The following ARHGAP10 variants were observed in gnomAD, a reference collection of about 807,000 sequenced individuals.
ARHGAP10 encodes Rho GTPase activating protein 10.
Under a neutral mutation model 108.6 loss-of-function variants are expected in ARHGAP10, and 87 were observed. That is an observed-to-expected ratio of 0.80 (90% CI 0.67 to 0.96). The LOEUF (loss-of-function observed/expected upper bound fraction) is 0.96. Among genes scored for constraint, ARHGAP10 ranks in the 40% least tolerant of loss-of-function variants. ARHGAP10 has a pLI of 0.00. For synonymous variants in ARHGAP10, 347 were observed against 341.1 expected (o/e 1.02, Z -0.19); for missense variants, 939 against 954.5 (o/e 0.98, Z 0.21).
At chr4:147,829,345 G>A (rs565229106) in intron 3 of ARHGAP10, among the ~76,000 whole-genome samples, 1 of 152,056 alleles carries the variant, frequency 6.6e-6, no homozygotes, top group Non-Finnish European at 1.5e-5. Flanking sequence ...GAGCCACCGC[G>A]CCCAGCCAAT....
intron 18 of ARHGAP10, among the ~76,000 whole-genome samples, chr4:148,009,088 GA>G (rs538524923): frequency 3.0e-4 from 45 of 149,646 alleles, no homozygotes; most frequent in African/African-American, 9.3e-4. Context: ...TTCTTTGGGG[GA>G]AAAAAACAAA....
chr4:147,829,488 C>T (rs1560779434), intron 3 of ARHGAP10, among the ~76,000 whole-genome samples: 1 of 152,160 alleles, frequency 6.6e-6, no homozygotes, highest in Non-Finnish European at 1.5e-5. Context: ...CGCGCCCGGC[C>T]AGGACAGTGT....
rs146349439 is a variant in ARHGAP10 at position 147,821,422 on chromosome 4, A to G, written c.155-1305A>G. On this transcript the variant is annotated intron_variant, in intron 1 of 22. Coordinates refer to ENST00000336498, the MANE Select transcript of ARHGAP10 (RefSeq NM_024605.4). ...CTTATGCTTGGTGCTTTTCTTCTAT[A>G]CTTTAGGTGTAAGAAATTAAAATCC... Among the ~76,000 whole-genome samples the G allele has an allele frequency of 4.1e-3, 623 of 152,234 alleles. 3 individuals are homozygous for G. The highest frequency in any genetic ancestry group is 0.014 in the African/African-American group (591 of 41,508).
chr4:148,014,528 G>A (rs1741280417), intron 18 of ARHGAP10, among the ~76,000 whole-genome samples: 11 of 152,210 alleles, frequency 7.2e-5, no homozygotes, highest in Admixed American at 7.2e-4. Flanking sequence ...TTTACATAGT[G>A]AAAATTTCTT....
intron 3 of ARHGAP10, among the ~76,000 whole-genome samples, chr4:147,825,659 G>C (rs1241410572): frequency 6.6e-6 from 1 of 152,066 alleles, no homozygotes; most frequent in Non-Finnish European, 1.5e-5. Flanking sequence ...CAGCTATTTA[G>C]GAAAGACTAA....
chr4:147,755,562 A>G (rs963076722), intron 1 of ARHGAP10, among the ~76,000 whole-genome samples: 2 of 152,182 alleles, frequency 1.3e-5, no homozygotes, highest in Non-Finnish European at 1.5e-5. Context: ...GTTCCATGTT[A>G]TCAAGAAGAA....
chr4:148,047,486 T>A (rs1728941421), intron 20 of ARHGAP10, among the ~76,000 whole-genome samples: 1 of 152,258 alleles, frequency 6.6e-6, no homozygotes, highest in South Asian at 2.1e-4. Context: ...TCTGTTTTGC[T>A]CCATAGCATC....
intron 18 of ARHGAP10, among the ~76,000 whole-genome samples, chr4:147,991,113 A>G (rs974255324): frequency 8.6e-5 from 13 of 151,664 alleles, no homozygotes; most frequent in Middle Eastern, 3.2e-3. Flanking sequence ...CAATTTGTCT[A>G]TATAACAAAC....
intron 10 of ARHGAP10, among the ~76,000 whole-genome samples, chr4:147,895,809 G>A (rs1735973814): frequency 6.6e-6 from 1 of 152,120 alleles, no homozygotes; most frequent in African/African-American, 2.4e-5. Context: ...GGTGTTATTG[G>A]CCATCTTGCC....
Position 147,764,076 on chromosome 4 carries a change from A to G in ARHGAP10, c.154+31621A>G, listed in dbSNP as rs759858711. On this transcript the variant is annotated intron_variant, in intron 1 of 22. Coordinates refer to ENST00000336498, the MANE Select transcript of ARHGAP10 (RefSeq NM_024605.4). ...TGCCTGGCCCAGACAGTGATTCTTG[A>G]TCTTTAGTGGGAATCAAAATCAGCT... Among the ~76,000 whole-genome samples, 58 of 152,116 alleles carry G rather than the reference A, an allele frequency of 3.8e-4. No individual in the cohort carries two copies. The Middle Eastern group carries it at 0.01, about 27-fold the overall frequency.
intron 13 of ARHGAP10, among the ~76,000 whole-genome samples, chr4:147,938,327 C>T (rs1215265377): frequency 6.6e-6 from 1 of 151,826 alleles, no homozygotes; most frequent in African/African-American, 2.4e-5. Context: ...GGTTTATTAT[C>T]TATGTAACAA....
At chr4:147,820,116 A>G (rs1732421690) in intron 1 of ARHGAP10, among the ~76,000 whole-genome samples, 1 of 152,098 alleles carries the variant, frequency 6.6e-6, no homozygotes, top group Admixed American at 6.5e-5. Context: ...GAGCTGAGCC[A>G]TGGTGTTGGA....
At chr4:147,797,084 G>C (rs758935800) in intron 1 of ARHGAP10, among the ~76,000 whole-genome samples, 1 of 152,172 alleles carries the variant, frequency 6.6e-6, no homozygotes, top group Non-Finnish European at 1.5e-5. Context: ...CTGGAGCATG[G>C]CATATCATGG....
At chr4:148,069,686 G>A (rs574979409) in intron 22 of ARHGAP10, among the ~76,000 whole-genome samples, 1 of 152,188 alleles carries the variant, frequency 6.6e-6, no homozygotes, top group Non-Finnish European at 1.5e-5. Context: ...GGTCCTGCAA[G>A]CTAAGTGCTA....
intron 18 of ARHGAP10, among the ~76,000 whole-genome samples, chr4:148,019,261 G>A (rs1202283915): frequency 6.6e-6 from 1 of 152,110 alleles, no homozygotes; most frequent in African/African-American, 2.4e-5. Flanking sequence ...GGAGTCATGA[G>A]GTCTGAATTC....
chr4:147,797,567 C>G (rs1731365331), intron 1 of ARHGAP10, among the ~76,000 whole-genome samples: 2 of 152,062 alleles, frequency 1.3e-5, no homozygotes, highest in Non-Finnish European at 2.9e-5. Context: ...TGCGCACCAC[C>G]ACACCCAGCT....
At chr4:147,780,010 G>T (rs143611887) in intron 1 of ARHGAP10, among the ~76,000 whole-genome samples, 15 of 152,296 alleles carry the variant, frequency 9.8e-5, no homozygotes, top group African/African-American at 3.6e-4. Context: ...TGGGATTGCA[G>T]TATCTTTAAT....
chr4:147,933,300 C>A (rs1737779289), intron 13 of ARHGAP10, among the ~76,000 whole-genome samples: 1 of 152,166 alleles, frequency 6.6e-6, no homozygotes, highest in Non-Finnish European at 1.5e-5. Context: ...GCAGTCATAG[C>A]ACACTATGGC....
intron 6 of ARHGAP10, 62 bp from the exon 7 acceptor site, chr4:147,866,650 T>G (rs1734575890): frequency 1.6e-6 from 2 of 1,239,264 alleles, no homozygotes; most frequent in Admixed American, 3.7e-5. Context: ...TGGTTGTTTA[T>G]ATGATTCTTT....
Sources: allele counts gnomAD v4.1 joint callset (sites outside exome capture counted in the v4.1 genomes callset), GRCh38; gene constraint gnomAD v4.1.1; transcripts MANE v1.5; gene names NCBI Gene and HGNC (gene_info 2026-07-23, HGNC 2026-07-21).